PELP1: variants seen among roughly 807,000 people sequenced by gnomAD.
PELP1 encodes the protein proline, glutamate and leucine rich protein 1, also known as proline-, glutamic acid- and leucine-rich protein 1.
A neutral mutation model predicts 95.5 loss-of-function variants in PELP1; 32 were observed. The ratio of observed to expected loss-of-function variants is 0.34; its 90% CI spans 0.25 to 0.45. The LOEUF (loss-of-function observed/expected upper bound fraction) is 0.45, where lower values mean the gene tolerates loss of function less well. PELP1 is among the 20% of genes least tolerant of loss of function. PELP1 has a pLI of 1.00. For missense variants in PELP1, 1,358 were observed against 1,444.8 expected (o/e 0.94, Z 0.97); for synonymous variants, 668 against 600.1 (o/e 1.11, Z -1.65).
In PELP1 at chr17:4,673,342, C is replaced by A. The variant is rs1912316969; in HGVS notation, c.1753G>T (p.Ala585Ser). 2 of 1,594,782 alleles carry A rather than the reference C, an allele frequency of 1.3e-6. No homozygotes were observed. The highest frequency in any genetic ancestry group is 4.5e-5 in the East Asian group (2 of 44,012). ...CRRELYCLLLALLLAPSPRCP... is the reference protein window; with the variant it reads ...CRRELYCLLLSLLLAPSPRCP... ...CGAGGAGACGGGGCCAGCAGCAGCG[C>A]CAGCAGCAGGCAGTAGAGTTCACGG... The change falls in exon 15 of 17, where the codon GCG (alanine) becomes TCG (serine). Residue 585 changes from alanine (A) to serine (S), a missense_variant. Coordinates refer to ENST00000572293, the MANE Select transcript of PELP1 (RefSeq NM_014389.3). The surrounding 1 kb of genome is among the most constrained non-coding windows in gnomAD (Gnocchi z 5.7).
In PELP1 at chr17:4,671,461, G is replaced by A. The variant is rs770439432; in HGVS notation, c.3371C>T (p.Pro1124Leu). 6 of 1,571,582 alleles carry A rather than the reference G, an allele frequency of 3.8e-6. No homozygotes were observed. Among genetic ancestry groups the A allele is most frequent in the South Asian group, 2.2e-5 (2 of 90,200 alleles). ...TGGCTAGGAGTCAGGCTCTGTGGGA[G>A]GTGGTGGCTTCTCATCATCAGGGGG... Reference protein sequence around the residue: ...DCPPDDEKPPPPTEPDS With the variant: ...DCPPDDEKPPLPTEPDS Residue 1124 changes from proline to leucine, a missense_variant, in exon 17 of 17, where the codon CCT becomes CTT. By Grantham distance (98) the Pro-to-Leu change is moderately conservative (BLOSUM62 -3). Around this residue, in one of 7 missense-constraint regions of PELP1, gnomAD observed 283 missense variants for 284.1 expected, o/e 1.00. Coordinates refer to ENST00000572293, the MANE Select transcript of PELP1 (RefSeq NM_014389.3).
In PELP1 at chr17:4,670,045, G is replaced by C. The variant is rs1912136055; in HGVS notation, c.*1394C>G. 6.6e-6 allele frequency: 1 copy of C among 152,162 alleles called. No individual in the cohort carries two copies. Among genetic ancestry groups the C allele is most frequent in the African/African-American group, 2.4e-5 (1 of 41,430 alleles). The allele number at this position is 152,162 out of a possible 1,614,324, so 9.4% of individuals were successfully genotyped here. ...ATACATGTCTACATGTAGATACGCA[G>C]TTTATAGGGATAAGAGTTAACATGA... On this transcript the variant is annotated 3_prime_UTR_variant, in exon 17 of 17. Transcript: ENST00000572293.
Position 4,672,363 on chromosome 17 carries a change from C to T in PELP1, c.2628G>A (p.Glu876=). Residue 876 remains glutamate (E), a synonymous_variant, in exon 16 of 17, where the codon GAG becomes GAA. Coordinates refer to ENST00000572293, the MANE Select transcript of PELP1 (RefSeq NM_014389.3). ...PGGGGPPALE[E]DLTVININSS... is the part of the protein sequence containing the mutation. The stretch of plus-strand genomic sequence containing the variant: ...TGTTGATATTAATAACTGTCAAATC[C>T]TCTTCCAGGGCTGGGGGTCCTCCCC... 1.3e-6 allele frequency: 2 copies of T among 1,553,572 alleles called. No homozygotes were observed. Among genetic ancestry groups the T allele is most frequent in the Non-Finnish European group, 1.7e-6 (2 of 1,148,096 alleles).
At chr17:4,703,837 C>T in intron 1 of PELP1, 26 bp downstream of exon 1, 2 of 1,589,864 alleles carry the variant, frequency 1.3e-6, no homozygotes, top group Non-Finnish European at 1.7e-6. Flanking sequence ...CCCACAGGGC[C>T]GCGGGCACGC....
At position 4,675,256 on chromosome 17, in the gene PELP1, C is replaced by T. The variant is rs1236259228; in HGVS notation, c.1157+18G>A. On this transcript the variant is annotated intron_variant, in intron 10 of 16. Coordinates refer to ENST00000572293, the MANE Select transcript of PELP1 (RefSeq NM_014389.3). The surrounding 1 kb of genome is among the most constrained non-coding windows in gnomAD (Gnocchi z 4.3). Reference sequence around the variant, plus strand: ...GCACGCCCTATCCCTTCACCACAGCCAGCCCAATCCCACTCACGCGAGGAT... The same window carrying T: ...GCACGCCCTATCCCTTCACCACAGCTAGCCCAATCCCACTCACGCGAGGAT... 1 of 1,589,260 alleles carries T rather than the reference C, an allele frequency of 6.3e-7. No individual in the cohort carries two copies. The highest frequency in any genetic ancestry group is 8.6e-7 in the Non-Finnish European group (1 of 1,168,114).
rs879661120 is a variant in PELP1, at chr17:4,674,886, G to A, written c.1345C>T (p.Leu449Phe). ...VQVCGASAGM[L>F]QGGASGEALL... ...GCCTCTCCAGAGGCTCCTCCCTGAA[G>A]CATTCCCGCCGAGGCCCCACAAACC... Residue 449 changes from leucine (L) to phenylalanine (F), a missense_variant, in exon 12 of 17, where the codon CTT (leucine) becomes TTT (phenylalanine). By Grantham distance (22) the Leu-to-Phe change is conservative. Coordinates refer to ENST00000572293, the MANE Select transcript of PELP1 (RefSeq NM_014389.3). 3 of 1,613,694 alleles carry A rather than the reference G, an allele frequency of 1.9e-6. No homozygotes were observed. Among genetic ancestry groups the A allele is most frequent in the Non-Finnish European group, 1.7e-6 (2 of 1,179,820 alleles).
At chr17:4,671,655 T>A in intron 16 of PELP1, 36 bp downstream of exon 16, 1 of 1,600,462 alleles carries the variant, frequency 6.2e-7, no homozygotes, top group Non-Finnish European at 8.5e-7. Flanking sequence ...AGCCCCACCT[T>A]CTCGCCCAAG....
At chr17:4,701,612 CG>C (rs1350959596) in intron 1 of PELP1, among the ~76,000 whole-genome samples, 3 of 152,182 alleles carry the variant, frequency 2.0e-5, no homozygotes, top group Non-Finnish European at 4.4e-5. Flanking sequence ...GCAGTACCTG[CG>C]GAAAAGCCAT....
chr17:4,682,692 C>T, intron 4 of PELP1, 111 bp downstream of exon 4: 1 of 1,442,196 alleles, frequency 6.9e-7, no homozygotes, highest in East Asian at 2.4e-5. Context: ...GCCCCTCCCT[C>T]TTCTCACTTC....
intron 3 of PELP1, among the ~76,000 whole-genome samples, chr17:4,689,956 G>A (rs988382009): frequency 2.0e-5 from 3 of 152,106 alleles, no homozygotes; most frequent in Admixed American, 1.3e-4. Flanking sequence ...AACCCGGGAG[G>A]CAGAGGTTGC....
chr17:4,686,809 C>T (rs773719892), intron 3 of PELP1, among the ~76,000 whole-genome samples: 3 of 152,062 alleles, frequency 2.0e-5, no homozygotes, highest in African/African-American at 4.8e-5. Flanking sequence ...TGAGCCACCA[C>T]GCCTGGCCTC....
chr17:4,694,345 T>C (rs1567667859), intron 1 of PELP1, among the ~76,000 whole-genome samples: 2 of 151,742 alleles, frequency 1.3e-5, no homozygotes, highest in Non-Finnish European at 2.9e-5. Flanking sequence ...TCCACGGAAT[T>C]GTATACTCTA....
At chr17:4,691,324 G>T in intron 2 of PELP1, 54 bp downstream of exon 2, 2 of 1,236,278 alleles carry the variant, frequency 1.6e-6, no homozygotes, top group Non-Finnish European at 2.4e-6. Context: ...ATGTACATAT[G>T]CCCACTTCCT....
Position 4,676,043 on chromosome 17 carries a change from T to A in PELP1, c.973A>T (p.Met325Leu), listed in dbSNP as rs201587631. The part of the protein sequence containing the change: ...FSGLARCLGL[M>L]LSSEFGAPVS... ...TCCAATACCCACACACACCTGAGCA[T>A]GAGCCCTAGGCAGCGGGCCAGTCCC... Residue 325 changes from methionine to leucine, a missense_variant, in exon 8 of 17, where the codon ATG becomes TTG. Met to Leu is a conservative substitution (Grantham distance 15, BLOSUM62 2). Around this residue, in one of 7 missense-constraint regions of PELP1, gnomAD observed 538 missense variants for 628.1 expected, o/e 0.86. Coordinates refer to ENST00000572293, the MANE Select transcript of PELP1 (RefSeq NM_014389.3). 1.9e-6 allele frequency: 3 copies of A among 1,613,878 alleles called. No homozygotes were observed. The highest frequency in any genetic ancestry group is 2.2e-5 in the East Asian group (1 of 44,878).
Position 4,672,315 on chromosome 17 carries a change from T to C in PELP1, c.2676A>G (p.Glu892=), listed in dbSNP as rs1567659556. Residue 892 remains glutamate, a synonymous_variant, in exon 16 of 17, where the codon GAA becomes GAG. Coordinates refer to ENST00000572293, the MANE Select transcript of PELP1 (RefSeq NM_014389.3). The stretch of plus-strand genomic sequence containing the variant: ...CTTCTTCTTCTTCCTCTTCTTCCTC[T>C]TCCTCCTCCTCTTCATCACTGCTGT... ...NINSSDEEEE[E]EEEEEEEEEE... The C allele has an allele frequency of 4.5e-6, 7 of 1,553,298 alleles. No homozygotes were observed.
At chr17:4,690,821 T>C (rs552866598) in intron 3 of PELP1, 67 bp downstream of exon 3, 4 of 976,180 alleles carry the variant, frequency 4.1e-6, no homozygotes, top group South Asian at 3.9e-5. Context: ...GAAAAGAACA[T>C]GCCACATCCA....
chr17:4,695,490 C>T (rs1913262280), intron 1 of PELP1, among the ~76,000 whole-genome samples: 1 of 151,354 alleles, frequency 6.6e-6, no homozygotes, highest in South Asian at 2.1e-4. Context: ...CACAGAGAGA[C>T]ACCATCTCTA....
In PELP1 at chr17:4,672,856, G is replaced by A; in HGVS notation, c.2135C>T (p.Ser712Phe). Reference sequence around the variant, plus strand: ...AGGGACAGACACTAGGCCTGGGACAGAAAGGCCTAGGTGGTTGGCTGTGGT... The same window carrying A: ...AGGGACAGACACTAGGCCTGGGACAAAAAGGCCTAGGTGGTTGGCTGTGGT... ...PPTTANHLGL[S>F]VPGLVSVPPR... The change falls in exon 16 of 17, where the codon TCT (serine) becomes TTT (phenylalanine). Residue 712 changes from serine (S) to phenylalanine (F), a missense_variant. Ser to Phe is a radical substitution (Grantham distance 155). Coordinates refer to ENST00000572293, the MANE Select transcript of PELP1 (RefSeq NM_014389.3). 1.2e-6 allele frequency: 2 copies of A among 1,613,948 alleles called. No homozygotes were observed. Among genetic ancestry groups the A allele is most frequent in the Non-Finnish European group, 1.7e-6 (2 of 1,179,838 alleles).
At chr17:4,676,901 A>G in intron 5 of PELP1, 89 bp from the exon 6 acceptor site, 1 of 973,838 alleles carries the variant, frequency 1.0e-6, no homozygotes, top group Non-Finnish European at 1.6e-6. Flanking sequence ...AGCAGACTCT[A>G]AGCCCAGGTC....
Sources: allele counts gnomAD v4.1 joint callset (sites outside exome capture counted in the v4.1 genomes callset), GRCh38; gene constraint gnomAD v4.1.1; regional missense constraint gnomAD v4.1.1; non-coding constraint Gnocchi (gnomAD v3.1); transcripts MANE v1.5; gene names NCBI Gene and HGNC (gene_info 2026-07-23, HGNC 2026-07-21).